The following DHX8 variants were observed in gnomAD, a reference collection of about 807,000 sequenced individuals.
The protein encoded by DHX8 is DEAH-box helicase 8, also known as ATP-dependent RNA helicase DHX8.
A neutral mutation model predicts 140.7 loss-of-function variants in DHX8; 67 were observed. The observed-to-expected ratio is 0.48, with a 90% CI of 0.39 to 0.58. The LOEUF is 0.58. DHX8 is among the 20% of genes least tolerant of loss of function. DHX8 has a pLI of 0.00. For synonymous variants in DHX8, 533 were observed against 553.2 expected, an observed-to-expected ratio of 0.96 and a Z score of 0.51; for missense variants, 887 against 1,550.7, an observed-to-expected ratio of 0.57 and a Z score of 7.19.
At chr17:43,534,032 GA>G in intron 2 of DHX8, 1 of 1,458,068 alleles carries the variant, frequency 6.9e-7, no homozygotes, top group Non-Finnish European at 9.0e-7. Context: ...TGTCACACAA[GA>G]GGCAGGCAGG....
intron 18 of DHX8, 57 bp from the exon 19 acceptor site, chr17:43,520,073 T>G: frequency 1.3e-6 from 2 of 1,598,476 alleles, no homozygotes; most frequent in South Asian, 2.2e-5. Flanking sequence ...CTTCCCCACA[T>G]GCTGACACTG....
chr17:43,500,179 G>C (rs539225706), intron 11 of DHX8, 76 bp downstream of exon 11: 2 of 1,495,072 alleles, frequency 1.3e-6, no homozygotes, highest in African/African-American at 2.8e-5. Flanking sequence ...GGTCACTCCC[G>C]GCACACACTA....
At chr17:43,490,540 C>T in intron 3 of DHX8, 77 bp downstream of exon 3, 1 of 1,247,026 alleles carries the variant, frequency 8.0e-7, no homozygotes, top group Non-Finnish European at 1.1e-6. Context: ...CATTTGTTTT[C>T]CTCTCAGCAG....
chr17:43,537,319 C>T (rs958363953), intron 3 of DHX8, among the ~76,000 whole-genome samples: 1 of 152,178 alleles, frequency 6.6e-6, no homozygotes, highest in Non-Finnish European at 1.5e-5. Flanking sequence ...GAGCTGAGAT[C>T]GCACCACTGC....
At chr17:43,533,730 A>G in intron 2 of DHX8, 2 of 1,222,366 alleles carry the variant, frequency 1.6e-6, no homozygotes, top group Non-Finnish European at 2.3e-6. Flanking sequence ...TTGCTTCCTT[A>G]CAAGTGCTAG....
chr17:43,496,824 G>A (rs1025909261), intron 9 of DHX8, among the ~76,000 whole-genome samples: 3 of 151,594 alleles, frequency 2.0e-5, no homozygotes, highest in African/African-American at 7.3e-5. Flanking sequence ...TTGTATTTTT[G>A]GGAGTAAATT....
chr17:43,512,941 T>G (rs935044463), intron 16 of DHX8, among the ~76,000 whole-genome samples: 2 of 152,184 alleles, frequency 1.3e-5, no homozygotes, highest in Non-Finnish European at 2.9e-5. Context: ...CAGCTCATTT[T>G]TTAGTCCAGA....
intron 4 of DHX8, 130 bp downstream of exon 4, chr17:43,491,380 A>G: frequency 2.1e-6 from 1 of 466,136 alleles, no homozygotes; most frequent in Non-Finnish European, 3.8e-6. Context: ...AAAGTGTTTG[A>G]TCACTCCCTG....
intron 12 of DHX8, among the ~76,000 whole-genome samples, chr17:43,505,407 A>G (rs1372624949): frequency 6.9e-6 from 1 of 144,968 alleles, no homozygotes; most frequent in East Asian, 2.0e-4. Context: ...GACTCTGTCT[A>G]AAAAAAAAAA....
chr17:43,517,377 T>C, intron 18 of DHX8, 55 bp downstream of exon 18: 1 of 1,555,618 alleles, frequency 6.4e-7, no homozygotes, highest in Non-Finnish European at 8.7e-7. Flanking sequence ...ATCCTGGCCT[T>C]CATAAATGAA....
chr17:43,497,597 G>GA (rs1179334217), intron 9 of DHX8, among the ~76,000 whole-genome samples: 3 of 151,674 alleles, frequency 2.0e-5, no homozygotes, highest in Admixed American at 1.3e-4. Context: ...CTTTACAAAA[G>GA]AAAAAAAATT....
chr17:43,522,302 T>C, intron 22 of DHX8, 76 bp downstream of exon 22: 3 of 1,461,804 alleles, frequency 2.1e-6, no homozygotes, highest in Non-Finnish European at 2.8e-6. Context: ...TATTTTGTGA[T>C]TGTGTCTTCA....
downstream of DHX8, chr17:43,525,905 T>C (rs1970596899): frequency 2.0e-6 from 2 of 985,150 alleles, no homozygotes; most frequent in East Asian, 1.1e-4. Flanking sequence ...CAAGCTGAGG[T>C]TGAAAAGGGA....
rs1478608298 is a variant in DHX8, at chr17:43,522,077, G to A, written c.3294G>A (p.Lys1098=). Residue 1098 remains lysine, a synonymous_variant, in exon 22 of 23, where the codon AAG becomes AAA. Transcript: ENST00000262415. ...AGCTGGATGTTGTTTCCTGTGGCAA[G>A]TCCACAGTCCGAGTGCAGAAGGCCA... ...RHKLDVVSCG[K]STVRVQKAIC... 4 of 1,613,994 alleles carry A rather than the reference G, an allele frequency of 2.5e-6. No individual in the cohort carries two copies. The highest frequency in any genetic ancestry group is 3.3e-5 in the Admixed American group (2 of 60,004).
rs771317526 is a variant in DHX8, at chr17:43,523,658, C to A, written c.3474C>A (p.Thr1158=). ...WVVYHELVLT[T]KEYMREVTTI... is the part of the protein sequence containing the mutation. ...TGTACCATGAGCTGGTGCTCACCAC[C>A]AAGGAATACATGCGTGAAGTTACCA... Residue 1158 remains threonine (T), a synonymous_variant, in exon 23 of 23, where the codon ACC becomes ACA. Coordinates refer to ENST00000262415, the MANE Select transcript of DHX8 (RefSeq NM_004941.3). 24 of 1,614,034 alleles carry A rather than the reference C, an allele frequency of 1.5e-5. No individual in the cohort carries two copies. The highest frequency in any genetic ancestry group is 1.2e-4 in the Admixed American group (7 of 59,984).
At chr17:43,506,846 A>G (rs1261245617) in intron 12 of DHX8, among the ~76,000 whole-genome samples, 157 bp from the exon 13 acceptor site, 3 of 152,136 alleles carry the variant, frequency 2.0e-5, no homozygotes, top group Non-Finnish European at 4.4e-5. Context: ...TTCTTTAACT[A>G]TATGTGTATA....
chr17:43,484,013 A>G lies in DHX8; in HGVS notation c.-25A>G, dbSNP rs777712774. 8 of 1,613,088 alleles carry G rather than the reference A, an allele frequency of 5.0e-6. 1 individual carries two copies. The highest frequency in any genetic ancestry group is 8.5e-7 in the Non-Finnish European group (1 of 1,179,492). ...TAGCTCTGAGCGCCGGCTGTGAGGA[A>G]GGAGGTTCTGGGCAAGCTATAGCCA... On this transcript the variant is annotated 5_prime_UTR_variant, in exon 1 of 23. Coordinates refer to ENST00000262415, the MANE Select transcript of DHX8 (RefSeq NM_004941.3).
chr17:43,520,962 G>GC, intron 20 of DHX8, 83 bp downstream of exon 20: 1 of 863,176 alleles, frequency 1.2e-6, no homozygotes, highest in Non-Finnish European at 1.6e-6. Context: ...GCTTGATGTG[G>GC]ACTTTTTTTT....
At chr17:43,490,971 C>T (rs958129352) in intron 3 of DHX8, among the ~76,000 whole-genome samples, 194 bp from the exon 4 acceptor site, 4 of 152,010 alleles carry the variant, frequency 2.6e-5, no homozygotes, top group African/African-American at 4.8e-5. Flanking sequence ...TGCTACATTT[C>T]GAGATAGTTT....
Sources: gnomAD v4.1 joint callset for allele counts (sites outside exome capture counted in the v4.1 genomes callset) on GRCh38, gnomAD v4.1.1 for gene constraint, MANE v1.5 for transcripts, NCBI Gene and HGNC (gene_info 2026-07-23, HGNC 2026-07-21) for gene names.